Variants in NOS1AP observed in about 807,000 individuals in gnomAD.
NOS1AP encodes carboxyl-terminal PDZ ligand of neuronal nitric oxide synthase protein.
A neutral mutation model predicts 56.2 loss-of-function variants in NOS1AP; 21 were observed. The observed-to-expected ratio is 0.37, with a 90% CI of 0.26 to 0.54. NOS1AP has a LOEUF of 0.54. NOS1AP is among the 20% of genes least tolerant of loss of function. The probability of loss-of-function intolerance (pLI) is 0.84; values close to 1 mark genes in which losing one functional copy is unlikely to be tolerated. For synonymous variants in NOS1AP, 270 were observed against 274.6 expected (o/e 0.98, Z 0.17); for missense variants, 522 against 657.8 (o/e 0.79, Z 2.26).
At chr1:162,191,443 TTC>T (rs769188990) in intron 2 of NOS1AP, among the ~76,000 whole-genome samples, 1 of 152,214 alleles carries the variant, frequency 6.6e-6, no homozygotes, top group Non-Finnish European at 1.5e-5. Context: ...GCTTGTTTCT[TTC>T]TGTTTCCTCT....
Position 162,178,326 on chromosome 1 carries a change from G to A in NOS1AP, c.177+23850G>A, listed in dbSNP as rs12075230. On this transcript the variant is annotated intron_variant, in intron 2 of 9. Coordinates refer to ENST00000361897, the MANE Select transcript of NOS1AP (RefSeq NM_014697.3). Reference sequence around the variant, plus strand: ...CAAGAACATCTGTGAGCAGCTTTTTGTGTGGACATAAGTTTTCATTCCATT... The same window carrying A: ...CAAGAACATCTGTGAGCAGCTTTTTATGTGGACATAAGTTTTCATTCCATT... Among the ~76,000 whole-genome samples, 1,092 of 152,284 alleles carry A rather than the reference G, an allele frequency of 7.2e-3. 17 individuals are homozygous for A. Among genetic ancestry groups the A allele is most frequent in the African/African-American group, 0.025 (1,036 of 41,544 alleles).
rs1312213291 is a variant in NOS1AP at position 162,360,045 on chromosome 1, G to A, written c.939+2909G>A. On this transcript the variant is annotated intron_variant, in intron 8 of 9. Transcript: ENST00000361897. ...CACCCCCATTTCTTCCCACAGACTAGTCTAGTTCTGCTGTTGCCATGGGGA... is the reference window on the plus strand; with the variant it reads ...CACCCCCATTTCTTCCCACAGACTAATCTAGTTCTGCTGTTGCCATGGGGA... Among the ~76,000 whole-genome samples, 8 of 128,870 alleles carry A rather than the reference G, an allele frequency of 6.2e-5. No individual in the cohort carries two copies. The Admixed American group carries it at 6.7e-4, about 11-fold the overall frequency. 84.5% of individuals were successfully genotyped at this position (128,870 alleles called of 152,430 possible). A position where few individuals can be genotyped will look rare whatever the true frequency, so the allele number is the denominator to read the frequency against.
chr1:162,121,513 T>C (rs1212559297), intron 1 of NOS1AP, among the ~76,000 whole-genome samples: 1 of 152,148 alleles, frequency 6.6e-6, no homozygotes, highest in Non-Finnish European at 1.5e-5. Context: ...TAGTGACAGA[T>C]ATGGCATCTC....
chr1:162,156,206 A>T (rs1432088888), intron 2 of NOS1AP, among the ~76,000 whole-genome samples: 3 of 152,242 alleles, frequency 2.0e-5, no homozygotes, highest in African/African-American at 4.8e-5. Context: ...TGGACACAGT[A>T]AGAAGTAGCT....
chr1:162,359,299 G>T (rs892889185), intron 8 of NOS1AP, among the ~76,000 whole-genome samples: 2 of 152,128 alleles, frequency 1.3e-5, no homozygotes, highest in African/African-American at 4.8e-5. Context: ...ATGACTTTAG[G>T]GAGAGTCTTA....
intron 2 of NOS1AP, among the ~76,000 whole-genome samples, chr1:162,169,126 C>T (rs536400071): frequency 7.2e-5 from 11 of 152,350 alleles, no homozygotes; most frequent in East Asian, 1.9e-4. Flanking sequence ...GAGCGCCCTC[C>T]GTGCATGGGC....
At chr1:162,195,952 T>TA (rs1557828602) in intron 2 of NOS1AP, among the ~76,000 whole-genome samples, 1 of 152,218 alleles carries the variant, frequency 6.6e-6, no homozygotes, top group Non-Finnish European at 1.5e-5. Flanking sequence ...TAATTGGCTC[T>TA]AAATAAAAAG....
intron 1 of NOS1AP, among the ~76,000 whole-genome samples, chr1:162,152,356 C>T (rs918841180): frequency 6.6e-6 from 1 of 152,210 alleles, no homozygotes; most frequent in East Asian, 1.9e-4. Context: ...GTGTTCCTGA[C>T]TGCACAGCAT....
intron 1 of NOS1AP, among the ~76,000 whole-genome samples, chr1:162,131,721 G>A (rs192816031): frequency 3.7e-4 from 57 of 152,152 alleles, no homozygotes; most frequent in African/African-American, 1.3e-3. Context: ...GAGCTCCAGT[G>A]TTATAAGGCG....
intron 2 of NOS1AP, among the ~76,000 whole-genome samples, chr1:162,179,161 T>C (rs917820571): frequency 5.3e-5 from 8 of 152,244 alleles, no homozygotes; most frequent in African/African-American, 1.2e-4. Flanking sequence ...ATTTATTTTA[T>C]GTAACAAATG....
intron 5 of NOS1AP, among the ~76,000 whole-genome samples, chr1:162,334,784 A>G (rs1035044556): frequency 1.3e-5 from 2 of 152,234 alleles, no homozygotes; most frequent in Admixed American, 1.3e-4. Context: ...TCTGTAAAGA[A>G]GGTAAGACAT....
intron 1 of NOS1AP, among the ~76,000 whole-genome samples, chr1:162,136,329 A>G (rs189695939): frequency 3.3e-5 from 5 of 152,306 alleles, no homozygotes; most frequent in Non-Finnish European, 7.4e-5. Context: ...ATTTTATGAT[A>G]TAGATCTAGG....
intron 1 of NOS1AP, among the ~76,000 whole-genome samples, chr1:162,093,900 CA>C (rs1692184908): frequency 6.6e-6 from 1 of 152,138 alleles, no homozygotes; most frequent in Admixed American, 6.5e-5. Flanking sequence ...AGCAGTTAGT[CA>C]ATGTGAACAG....
intron 2 of NOS1AP, among the ~76,000 whole-genome samples, chr1:162,230,143 C>T (rs1370835144): frequency 6.6e-6 from 1 of 152,138 alleles, no homozygotes; most frequent in Non-Finnish European, 1.5e-5. Flanking sequence ...GAGTTAGTGG[C>T]TGGGGCCCAC....
At chr1:162,334,899 G>A (rs934967422) in intron 5 of NOS1AP, among the ~76,000 whole-genome samples, 3 of 152,142 alleles carry the variant, frequency 2.0e-5, no homozygotes, top group African/African-American at 7.2e-5. Context: ...ATAGAACCAG[G>A]GAGACATGCA....
At chr1:162,268,551 C>T (rs748648812) in intron 2 of NOS1AP, among the ~76,000 whole-genome samples, 2 of 152,046 alleles carry the variant, frequency 1.3e-5, no homozygotes, top group African/African-American at 4.8e-5. Flanking sequence ...TAAATATGGA[C>T]GGGCAGCCCA....
At chr1:162,330,254 A>ATGAGAGC (rs1656723259) in intron 4 of NOS1AP, among the ~76,000 whole-genome samples, 1 of 152,244 alleles carries the variant, frequency 6.6e-6, no homozygotes, top group South Asian at 2.1e-4. Flanking sequence ...ATGAGCATTA[A>ATGAGAGC]TGACAGCTGG....
chr1:162,249,684 G>A (rs1236715925), intron 2 of NOS1AP, among the ~76,000 whole-genome samples: 6 of 152,156 alleles, frequency 3.9e-5, no homozygotes, highest in Non-Finnish European at 5.9e-5. Context: ...GCTGCATAGG[G>A]TATTGAAATT....
chr1:162,199,165 G>A (rs1651902718), intron 2 of NOS1AP, among the ~76,000 whole-genome samples: 1 of 152,150 alleles, frequency 6.6e-6, no homozygotes, highest in Non-Finnish European at 1.5e-5. Flanking sequence ...ACCTCCTTGA[G>A]TCGGCTTTAA....
Sources: gnomAD v4.1 joint callset for allele counts (sites outside exome capture counted in the v4.1 genomes callset) on GRCh38, gnomAD v4.1.1 for gene constraint, MANE v1.5 for transcripts, NCBI Gene and HGNC (gene_info 2026-07-23, HGNC 2026-07-21) for gene names.